AFF2: variants seen among roughly 807,000 people sequenced by gnomAD.
The protein encoded by AFF2 is AF4/FMR2 family member 2.
A neutral mutation model predicts 76.9 loss-of-function variants in AFF2; 14 were observed. The observed-to-expected ratio is 0.18, with a 90% CI of 0.12 to 0.28. The LOEUF (loss-of-function observed/expected upper bound fraction) is 0.28. AFF2 is among the 10% of genes least tolerant of loss of function. The pLI, the probability that AFF2 is intolerant of heterozygous loss-of-function variation, is 1.00. For synonymous variants in AFF2, 398 were observed against 366.7 expected, an observed-to-expected ratio of 1.09 and a Z score of -0.98; for missense variants, 868 against 1,001.1, an observed-to-expected ratio of 0.87 and a Z score of 1.79.
intron 1 of AFF2, among the ~76,000 whole-genome samples, chrX:148,504,740 C>T (rs782467834): frequency 8.9e-6 from 1 of 112,556 alleles, no homozygotes; most frequent in African/African-American, 3.2e-5. Context: ...GGGGCAGTGC[C>T]GGAGAAGGGG....
chrX:148,951,940 A>T (rs7890603), intron 9 of AFF2, among the ~76,000 whole-genome samples: 14,897 of 111,498 alleles, frequency 0.13, 1,690 homozygotes, highest in African/African-American at 0.37. Flanking sequence ...CGCATTTACT[A>T]AGCAGATAGC....
intron 9 of AFF2, among the ~76,000 whole-genome samples, chrX:148,905,165 A>T (rs1310090400): frequency 8.9e-6 from 1 of 112,441 alleles, no homozygotes; most frequent in East Asian, 2.8e-4. Context: ...TTTGTTTTGT[A>T]TAATAAAATA....
At chrX:148,611,018 A>G (rs1407487020) in intron 1 of AFF2, among the ~76,000 whole-genome samples, 1 of 112,094 alleles carries the variant, frequency 8.9e-6, no homozygotes, top group African/African-American at 3.2e-5. Context: ...TAATTATTTT[A>G]CTTAGCCCAA....
intron 1 of AFF2, among the ~76,000 whole-genome samples, chrX:148,613,456 C>A (rs1557249782): frequency 9.0e-6 from 1 of 111,436 alleles, no homozygotes; most frequent in African/African-American, 3.3e-5. Context: ...AAAAAAAGAC[C>A]CTTCACTCTA....
intron 3 of AFF2, among the ~76,000 whole-genome samples, chrX:148,672,558 C>G (rs181884058): frequency 9.0e-6 from 1 of 111,581 alleles, no homozygotes; most frequent in Admixed American, 9.5e-5. Flanking sequence ...TCTACTGGCA[C>G]GTAAAGGGCA....
chrX:148,596,283 G>C (rs1020527491), intron 1 of AFF2, among the ~76,000 whole-genome samples: 1 of 111,788 alleles, frequency 8.9e-6, no homozygotes, highest in African/African-American at 3.3e-5. Flanking sequence ...TTATTTTGAA[G>C]GAAAAACAAT....
At chrX:148,689,608 A>G (rs1358903184) in intron 3 of AFF2, among the ~76,000 whole-genome samples, 2 of 111,409 alleles carry the variant, frequency 1.8e-5, no homozygotes, top group Admixed American at 1.9e-4. Flanking sequence ...AGCAATGATG[A>G]TAGGCTGTGT....
chrX:148,653,893 G>A (rs142409254), intron 2 of AFF2, among the ~76,000 whole-genome samples: 49 of 111,585 alleles, frequency 4.4e-4, no homozygotes, highest in East Asian at 3.4e-3. Context: ...TTTTGAGTGC[G>A]TTGGCTTTGA....
intron 1 of AFF2, among the ~76,000 whole-genome samples, chrX:148,592,911 C>G (rs2053537050): frequency 8.9e-6 from 1 of 112,312 alleles, no homozygotes; most frequent in Non-Finnish European, 1.9e-5. Flanking sequence ...CCAAAAGTAG[C>G]CCTGTGGCTT....
intron 3 of AFF2, among the ~76,000 whole-genome samples, chrX:148,779,303 CA>C (rs2069710033): frequency 9.0e-6 from 1 of 111,586 alleles, no homozygotes; most frequent in Non-Finnish European, 1.9e-5. Flanking sequence ...GTGGTGCTGA[CA>C]AAAATGTATG....
At chrX:148,785,246 T>G (rs1557269423) in intron 3 of AFF2, among the ~76,000 whole-genome samples, 1 of 112,097 alleles carries the variant, frequency 8.9e-6, no homozygotes, top group Non-Finnish European at 1.9e-5. Context: ...ATTTTATTAC[T>G]ATCTTTCTCT....
intron 1 of AFF2, among the ~76,000 whole-genome samples, chrX:148,559,913 T>G (rs1179086548): frequency 8.9e-6 from 1 of 111,996 alleles, no homozygotes; most frequent in East Asian, 2.8e-4. Flanking sequence ...AGCATTCCTA[T>G]TTCTCCACAT....
intron 3 of AFF2, among the ~76,000 whole-genome samples, chrX:148,776,568 G>A (rs1265857974): frequency 8.9e-6 from 1 of 112,073 alleles, no homozygotes; most frequent in African/African-American, 3.2e-5. Context: ...GGTGTGAGAT[G>A]GTATCTCATT....
At chrX:148,590,507 G>T (rs1436144890) in intron 1 of AFF2, among the ~76,000 whole-genome samples, 3 of 111,578 alleles carry the variant, frequency 2.7e-5, no homozygotes, top group African/African-American at 9.8e-5. Flanking sequence ...GACATCAGTG[G>T]TTCTCTATGA....
intron 1 of AFF2, among the ~76,000 whole-genome samples, chrX:148,596,655 G>A (rs1278448675): frequency 8.9e-6 from 1 of 112,210 alleles, no homozygotes; most frequent in African/African-American, 3.2e-5. Context: ...GAATGCTGGG[G>A]CAGATCCTAA....
At chrX:148,795,577 C>T (rs1557270315) in intron 3 of AFF2, among the ~76,000 whole-genome samples, 1 of 104,946 alleles carries the variant, frequency 9.5e-6, no homozygotes, top group Non-Finnish European at 1.9e-5. Flanking sequence ...CTAAGGCTGG[C>T]AGATCACGAG....
At chrX:148,899,956 A>G (rs1557280710) in intron 8 of AFF2, among the ~76,000 whole-genome samples, 2 of 110,450 alleles carry the variant, frequency 1.8e-5, no homozygotes, top group Admixed American at 9.7e-5. Context: ...ATAAATATAT[A>G]TATATATAAC....
chrX:148,982,483 C>T (rs973779788), intron 19 of AFF2, among the ~76,000 whole-genome samples: 1 of 111,694 alleles, frequency 9.0e-6, no homozygotes, highest in Non-Finnish European at 1.9e-5. Context: ...GGCCTCCCTG[C>T]GTGACCAGGA....
At chrX:148,721,475 A>G (rs1557263809) in intron 3 of AFF2, among the ~76,000 whole-genome samples, 1 of 112,096 alleles carries the variant, frequency 8.9e-6, no homozygotes, top group Admixed American at 9.4e-5. Context: ...ATAACATGAA[A>G]TAATATTTAT....
Sources: allele counts gnomAD v4.1 joint callset (sites outside exome capture counted in the v4.1 genomes callset), GRCh38; gene constraint gnomAD v4.1.1; transcripts MANE v1.5; gene names NCBI Gene and HGNC (gene_info 2026-07-23, HGNC 2026-07-21).